The following TRANK1 variants were observed in gnomAD, a reference collection of about 807,000 sequenced individuals.
The protein encoded by TRANK1 is tetratricopeptide repeat and ankyrin repeat containing 1, also known as TPR and ankyrin repeat-containing protein 1.
In TRANK1, 198 loss-of-function variants were observed where a neutral mutation model predicts 266.0. That is an observed-to-expected ratio of 0.74 (90% CI 0.66 to 0.84). TRANK1 has a LOEUF of 0.84. Among genes scored for constraint, TRANK1 ranks in the 40% least tolerant of loss-of-function variants. The pLI is 0.00. For missense variants in TRANK1, 3,326 were observed against 3,634.6 expected, an observed-to-expected ratio of 0.92 and a Z score of 2.18; for synonymous variants, 1,396 against 1,384.1, an observed-to-expected ratio of 1.01 and a Z score of -0.19.
intron 1 of TRANK1, among the ~76,000 whole-genome samples, chr3:36,919,935 T>C (rs1374066394): frequency 9.9e-5 from 15 of 152,212 alleles, no homozygotes; most frequent in Admixed American, 9.8e-4. Context: ...GTTTGTTTTG[T>C]TTTTAATAAT....
intron 8 of TRANK1, among the ~76,000 whole-genome samples, chr3:36,874,895 G>T (rs185769453): frequency 4.9e-4 from 75 of 151,710 alleles, no homozygotes; most frequent in Admixed American, 1.6e-3. Flanking sequence ...GGTACACAAA[G>T]ACTTAAATGG....
At chr3:36,921,499 T>C (rs2080213063) in intron 1 of TRANK1, among the ~76,000 whole-genome samples, 1 of 152,220 alleles carries the variant, frequency 6.6e-6, no homozygotes, top group Non-Finnish European at 1.5e-5. Context: ...TATCTCTCTG[T>C]AACACCATCC....
In TRANK1 at chr3:36,903,189, G is replaced by A. The variant is rs1232686830; in HGVS notation, c.242C>T (p.Ala81Val). 8.5e-6 allele frequency: 13 copies of A among 1,537,292 alleles called. No individual in the cohort carries two copies. The highest frequency in any genetic ancestry group is 1.1e-5 in the Non-Finnish European group (13 of 1,146,928). Reference protein sequence around the residue: ...SLGKWNEAFVAAKECLQWDPT... With the variant: ...SLGKWNEAFVVAKECLQWDPT... ...ATCCCATTGGAGACATTCCTTGGCA[G>A]CAACAAATGCCTCATTCCACTTCCC... Residue 81 changes from alanine to valine, a missense_variant, in exon 3 of 24, where the codon GCT (alanine) becomes GTT (valine). Transcript: ENST00000645898.
At chr3:36,879,977 AACATGCAAAT>A (rs1393374453) in intron 8 of TRANK1, among the ~76,000 whole-genome samples, 1 of 12,720 alleles carries the variant, frequency 7.9e-5, no homozygotes, top group Non-Finnish European at 1.2e-4. Context: ...AATATATGTA[AACATGCAAAT>A]ATATGTAAAC....
rs1309618641 is a variant in TRANK1, at chr3:36,833,408, A to G, written c.6175T>C (p.Ser2059Pro). 4 of 1,613,708 alleles carry G rather than the reference A, an allele frequency of 2.5e-6. No homozygotes were observed. The highest frequency in any genetic ancestry group is 1.3e-5 in the African/African-American group (1 of 74,904). Residue 2059 changes from serine to proline, a missense_variant, in exon 22 of 24, where the codon TCA becomes CCA. Ser to Pro is a moderately conservative substitution (Grantham distance 74). Coordinates refer to ENST00000645898, the MANE Select transcript of TRANK1 (RefSeq NM_001329998.2). ...AFFKFDTLNH[S>P]AGVVEALYEA... ...TAGAGTGCTTCCACCACTCCAGCTGAGTGGTTGAGCGTGTCAAACTTGAAG... is the reference window on the plus strand; with the variant it reads ...TAGAGTGCTTCCACCACTCCAGCTGGGTGGTTGAGCGTGTCAAACTTGAAG...
intron 4 of TRANK1, among the ~76,000 whole-genome samples, chr3:36,897,064 G>C (rs2079802983): frequency 6.6e-6 from 1 of 152,174 alleles, no homozygotes; most frequent in South Asian, 2.1e-4. Flanking sequence ...CACTTTGGGA[G>C]GCCAAGGCAG....
chr3:36,939,216 TC>T (rs1190896676), intron 1 of TRANK1, among the ~76,000 whole-genome samples: 1 of 150,752 alleles, frequency 6.6e-6, no homozygotes, highest in Non-Finnish European at 1.5e-5. Flanking sequence ...GCCTCTACCC[TC>T]ATGTAGAATA....
upstream of TRANK1, among the ~76,000 whole-genome samples, chr3:36,945,600 G>C (rs553664196): frequency 3.3e-5 from 5 of 152,126 alleles, no homozygotes; most frequent in Non-Finnish European, 7.4e-5. Flanking sequence ...ACAAAATGAG[G>C]ATCTTGCCTT....
chr3:36,916,348 G>A (rs951297067), intron 1 of TRANK1, among the ~76,000 whole-genome samples: 16 of 152,132 alleles, frequency 1.1e-4, no homozygotes, highest in African/African-American at 3.6e-4. Context: ...GGCAGATCAC[G>A]AGGTCAGGAG....
chr3:36,850,161 C>A, intron 15 of TRANK1: 1 of 985,424 alleles, frequency 1.0e-6, no homozygotes. Flanking sequence ...TACCCTTCCT[C>A]TTTTAGGAGA....
At position 36,892,866 on chromosome 3, in the gene TRANK1, T is replaced by TAG. The variant is rs758805432; in HGVS notation, c.636+34_636+35insCT. 60 of 651,008 alleles carry TAG rather than the reference T, an allele frequency of 9.2e-5. 1 individual carries two copies. Among genetic ancestry groups the TAG allele is most frequent in the African/African-American group, 5.2e-4 (26 of 50,278 alleles). The allele number at this position is 651,008 out of a possible 1,614,324, so 40.3% of individuals were successfully genotyped here. A position where few individuals can be genotyped will look rare whatever the true frequency, so the allele number is the denominator to read the frequency against. ...ACAAAACAAAACATATATATATATA[T>TAG]ATATAGATATATATAGATATATATA... On this transcript the variant is annotated intron_variant, in intron 6 of 23. Coordinates refer to ENST00000645898, the MANE Select transcript of TRANK1 (RefSeq NM_001329998.2).
At position 36,857,654 on chromosome 3, in the gene TRANK1, A is replaced by G. The variant is rs1235227068; in HGVS notation, c.2068T>C (p.Cys690Arg). 1 of 1,613,898 alleles carries G rather than the reference A, an allele frequency of 6.2e-7. No individual in the cohort carries two copies. Among genetic ancestry groups the G allele is most frequent in the East Asian group, 2.2e-5 (1 of 44,888 alleles). Residue 690 changes from cysteine (C) to arginine (R), a missense_variant, in exon 13 of 24, where the codon TGT (cysteine) becomes CGT (arginine). By Grantham distance (180) the Cys-to-Arg change is radical. Transcript: ENST00000645898. The surrounding 1 kb of genome is among the most constrained non-coding windows in gnomAD (Gnocchi z 4.3). ...KSQGSFKSVP[C>R]GATARTLPEG... ...GGCAGTGTTCTGGCAGTGGCACCACATGGCACTGACTTGAATGAACCCTGG... is the reference window on the plus strand; with the variant it reads ...GGCAGTGTTCTGGCAGTGGCACCACGTGGCACTGACTTGAATGAACCCTGG...
chr3:36,849,197 G>A (rs2078954652), intron 15 of TRANK1, among the ~76,000 whole-genome samples: 1 of 152,178 alleles, frequency 6.6e-6, no homozygotes, highest in South Asian at 2.1e-4. Flanking sequence ...CATAAAGGTT[G>A]TAGTTTTCAC....
intron 23 of TRANK1, among the ~76,000 whole-genome samples, chr3:36,829,093 A>G (rs936998187): frequency 2.0e-5 from 3 of 152,256 alleles, no homozygotes; most frequent in African/African-American, 7.2e-5. Context: ...CTCTGTAGGA[A>G]GAAGCATTTA....
In TRANK1 at chr3:36,852,171, TG is replaced by T. The variant is rs749843963; in HGVS notation, c.4723del (p.Gln1575SerfsTer10). The T allele has an allele frequency of 6.3e-7, 1 of 1,597,510 alleles. No homozygotes were observed. The highest frequency in any genetic ancestry group is 2.2e-5 in the East Asian group (1 of 44,840). ...ILLRGNKRKT[Q>X]PIEFGAHQVI... ...CTGGTGGGCTCCAAATTCAATGGGC[TG>T]AGTTTTCCTTTTATTCCCTCGTAGC... On this transcript the variant is annotated frameshift_variant, in exon 14 of 24. Transcript: ENST00000645898. LOFTEE classifies it high-confidence loss of function.
At chr3:36,942,551 G>A (rs762366363) in intron 1 of TRANK1, among the ~76,000 whole-genome samples, 34 of 149,870 alleles carry the variant, frequency 2.3e-4, no homozygotes, top group Non-Finnish European at 3.1e-4. Context: ...TTTACACCAG[G>A]CCCCACTGGG....
Position 36,899,245 on chromosome 3 carries a change from A to T in TRANK1, c.297T>A (p.Ala99=). Residue 99 remains alanine (A), a synonymous_variant, in exon 4 of 24, where the codon GCT becomes GCA. Transcript: ENST00000645898. ...GGTGCAACCTCAGCAAGGAATAACC[A>T]GCTCGGTAGTATCCCTGGAACAGGA... ...DPTYVKGYYR[A]GYSLLRLHQP... 1 of 1,537,316 alleles carries T rather than the reference A, an allele frequency of 6.5e-7. No homozygotes were observed. The highest frequency in any genetic ancestry group is 8.7e-7 in the Non-Finnish European group (1 of 1,146,922).
intron 1 of TRANK1, among the ~76,000 whole-genome samples, chr3:36,921,543 C>A (rs566230609): frequency 6.6e-6 from 1 of 152,232 alleles, no homozygotes; most frequent in Non-Finnish European, 1.5e-5. Flanking sequence ...CATGCTTGTC[C>A]CCTCAAGATT....
chr3:36,832,284 G>C lies in TRANK1; in HGVS notation c.7299C>G (p.Phe2433Leu), dbSNP rs2078706502. 6.2e-7 allele frequency: 1 copy of C among 1,613,888 alleles called. No homozygotes were observed. The highest frequency in any genetic ancestry group is 1.1e-5 in the South Asian group (1 of 91,092). The change falls in exon 22 of 24, where the codon TTC becomes TTG. Residue 2433 changes from phenylalanine (F) to leucine (L), a missense_variant. Transcript: ENST00000645898. The part of the protein sequence containing the change: ...PEDYKRLFFR[F>L]MNVLIKRCKE... ...TGCACCTCTTGATGAGGACATTCATGAAACGGAAAAAGAGCCTCTTGTAGT... is the reference window on the plus strand; with the variant it reads ...TGCACCTCTTGATGAGGACATTCATCAAACGGAAAAAGAGCCTCTTGTAGT...
Sources: gnomAD v4.1 joint callset for allele counts (sites outside exome capture counted in the v4.1 genomes callset) on GRCh38, gnomAD v4.1.1 for gene constraint, Gnocchi (gnomAD v3.1) non-coding constraint, MANE v1.5 for transcripts, NCBI Gene and HGNC (gene_info 2026-07-23, HGNC 2026-07-21) for gene names.